SLC14A2: variants seen among roughly 807,000 people sequenced by gnomAD.
The protein encoded by SLC14A2 is urea transporter 2.
A neutral mutation model predicts 104.6 loss-of-function variants in SLC14A2; 91 were observed. The observed-to-expected ratio is 0.87, with a 90% confidence interval of 0.73 to 1.04. SLC14A2 has a LOEUF of 1.04. SLC14A2 is among the 50% of genes least tolerant of loss of function. The pLI, the probability that SLC14A2 is intolerant of heterozygous loss-of-function variation, is 0.00. For missense variants in SLC14A2, 1,189 were observed against 1,156.0 expected (o/e 1.03, Z -0.41); for synonymous variants, 476 against 466.4 (o/e 1.02, Z -0.27).
intron 1 of SLC14A2, among the ~76,000 whole-genome samples, chr18:45,227,095 C>A (rs537557897): frequency 1.1e-4 from 17 of 152,114 alleles, no homozygotes; most frequent in Admixed American, 8.5e-4. Flanking sequence ...CATCATTTAG[C>A]AGGAAAGTAA....
intron 2 of SLC14A2, among the ~76,000 whole-genome samples, chr18:45,491,549 A>G (rs1168257374): frequency 6.6e-6 from 1 of 152,218 alleles, no homozygotes; most frequent in Non-Finnish European, 1.5e-5. Flanking sequence ...TACAAATAAA[A>G]GTAAAAATAA....
At chr18:45,231,188 C>T (rs1272303509) in intron 1 of SLC14A2, among the ~76,000 whole-genome samples, 1 of 151,600 alleles carries the variant, frequency 6.6e-6, no homozygotes, top group African/African-American at 2.4e-5. Context: ...CATCTTGATA[C>T]TTTTTTTATT....
At chr18:45,649,791 G>A (rs1487461196) in intron 10 of SLC14A2, among the ~76,000 whole-genome samples, 3 of 152,198 alleles carry the variant, frequency 2.0e-5, no homozygotes, top group African/African-American at 7.2e-5. Flanking sequence ...TCTGGCTTTT[G>A]AGTGTTACAC....
In SLC14A2 at chr18:45,446,884, A is replaced by G. The variant is rs137970555; in HGVS notation, c.-124-36349A>G. Among the ~76,000 whole-genome samples, 1,523 of 152,314 alleles carry G rather than the reference A, an allele frequency of 1.0e-2. 16 individuals are homozygous for G. Among genetic ancestry groups the G allele is most frequent in the African/African-American group, 0.024 (1,007 of 41,574 alleles). ...TCATTCCTGCTTCCTTGTGACTGTC[A>G]GCATTTTCATGAGCCCTCGGCTTCC... is the stretch of plus-strand genomic sequence containing the variant. On this transcript the variant is annotated intron_variant, in intron 1 of 20. Transcript: ENST00000586448.
chr18:45,436,200 T>C (rs1414661978), intron 1 of SLC14A2, among the ~76,000 whole-genome samples: 1 of 152,172 alleles, frequency 6.6e-6, no homozygotes, highest in East Asian at 1.9e-4. Flanking sequence ...AAAAATTACG[T>C]TGTTTATGTT....
chr18:45,232,891 T>C (rs1266279915), intron 1 of SLC14A2, among the ~76,000 whole-genome samples: 1 of 152,224 alleles, frequency 6.6e-6, no homozygotes, highest in Non-Finnish European at 1.5e-5. Context: ...CCAACCTGTG[T>C]GTAACTGGCT....
intron 10 of SLC14A2, among the ~76,000 whole-genome samples, chr18:45,660,327 A>G (rs990841499): frequency 6.6e-6 from 1 of 152,196 alleles, no homozygotes; most frequent in African/African-American, 2.4e-5. Context: ...GTAAGAGTCA[A>G]TGCAGGTAGG....
intron 1 of SLC14A2, among the ~76,000 whole-genome samples, chr18:45,324,571 G>A (rs56122603): frequency 6.6e-6 from 1 of 151,680 alleles, no homozygotes; most frequent in Non-Finnish European, 1.5e-5. Context: ...CCCTGGGGCT[G>A]TTACCCTATC....
At chr18:45,187,831 A>G in the SLC14A2 span, among the ~76,000 whole-genome samples, 6 of 152,174 alleles carry the variant, frequency 3.9e-5, no homozygotes, top group Admixed American at 1.3e-4. Context: ...TATTGTGGAA[A>G]ATGTTTATCT....
chr18:45,500,892 G>A (rs2043187569), intron 2 of SLC14A2, among the ~76,000 whole-genome samples: 1 of 152,194 alleles, frequency 6.6e-6, no homozygotes, highest in South Asian at 2.1e-4. Context: ...TGTCTTGTGA[G>A]AACAAGCCTG....
chr18:45,486,909 G>C (rs2087617771), intron 2 of SLC14A2, among the ~76,000 whole-genome samples: 1 of 152,190 alleles, frequency 6.6e-6, no homozygotes, highest in African/African-American at 2.4e-5. Flanking sequence ...TCGTTTTACA[G>C]GTGAGAAAAT....
At chr18:45,387,112 A>G (rs1385340601) in intron 1 of SLC14A2, among the ~76,000 whole-genome samples, 1 of 151,982 alleles carries the variant, frequency 6.6e-6, no homozygotes, top group African/African-American at 2.4e-5. Flanking sequence ...CAGATATTCT[A>G]CTCATTGTGG....
intron 2 of SLC14A2, among the ~76,000 whole-genome samples, chr18:45,604,760 G>A (rs1185902015): frequency 6.6e-6 from 1 of 152,114 alleles, no homozygotes. Context: ...ACTTAGGTGA[G>A]GGTCATCTTT....
the SLC14A2 span, among the ~76,000 whole-genome samples, chr18:45,184,899 C>T: frequency 6.6e-6 from 1 of 152,186 alleles, no homozygotes; most frequent in South Asian, 2.1e-4. Flanking sequence ...CTTTATCCCT[C>T]AACAAGTTCC....
intron 1 of SLC14A2, among the ~76,000 whole-genome samples, chr18:45,461,844 A>G (rs140915513): frequency 1.2e-3 from 182 of 152,334 alleles, no homozygotes; most frequent in Middle Eastern, 3.4e-3. Flanking sequence ...CAACTCATCA[A>G]TTCTTCGTAA....
At chr18:45,510,220 A>C (rs1028757278) in intron 2 of SLC14A2, among the ~76,000 whole-genome samples, 9 of 152,162 alleles carry the variant, frequency 5.9e-5, no homozygotes, top group African/African-American at 2.2e-4. Flanking sequence ...TCTCACACTT[A>C]AATGTGACAA....
At chr18:45,447,203 C>T (rs1394515604) in intron 1 of SLC14A2, 1 of 152,228 alleles carries the variant, frequency 6.6e-6, no homozygotes, top group East Asian at 1.9e-4. Flanking sequence ...CACACAAATT[C>T]TAGCCTTTTG....
intron 2 of SLC14A2, among the ~76,000 whole-genome samples, chr18:45,486,046 G>T (rs2087598900): frequency 6.6e-6 from 1 of 152,126 alleles, no homozygotes; most frequent in Non-Finnish European, 1.5e-5. Flanking sequence ...GAGAACTTGA[G>T]GCTCAAATCA....
intron 2 of SLC14A2, among the ~76,000 whole-genome samples, chr18:45,500,442 T>C (rs59571952): frequency 0.017 from 2,522 of 151,880 alleles, 69 homozygotes; most frequent in African/African-American, 0.057. Context: ...CGGGGCGTGG[T>C]AGCGGGCGCC....
Sources: gnomAD v4.1 joint callset for allele counts (sites outside exome capture counted in the v4.1 genomes callset) on GRCh38, gnomAD v4.1.1 for gene constraint, MANE v1.5 for transcripts, NCBI Gene and HGNC (gene_info 2026-07-23, HGNC 2026-07-21) for gene names.